The following SMIM13 variants were observed in gnomAD, a reference collection of about 807,000 sequenced individuals.
The protein encoded by SMIM13 is UPF0766 protein C6orf228.
Under a neutral mutation model 5.9 loss-of-function variants are expected in SMIM13, and 3 were observed. That is an observed-to-expected ratio of 0.51 (90% CI 0.23 to 1.31). The LOEUF (loss-of-function observed/expected upper bound fraction) is 1.31, where lower values mean the gene tolerates loss of function less well. Among genes scored for constraint, SMIM13 ranks in the 40% most tolerant of loss-of-function variants. The pLI is 0.18. For synonymous variants in SMIM13, 55 were observed against 46.0 expected (o/e 1.19, Z -0.79); for missense variants, 85 against 109.9 (o/e 0.77, Z 1.01).
In SMIM13 at chr6:11,135,860, A is replaced by T. The variant is rs1335667610; in HGVS notation, c.*1258A>T. 1.3e-5 allele frequency: 2 copies of T among 152,196 alleles called. No homozygotes were observed. The highest frequency in any genetic ancestry group is 2.9e-5 in the Non-Finnish European group (2 of 68,042). 9.4% of individuals were successfully genotyped at this position (152,196 alleles called of 1,614,324 possible). A position where few individuals can be genotyped will look rare whatever the true frequency, so the allele number is the denominator to read the frequency against. ...TAATGGGCAGTGTTTTTTCTTAGTGATACATATGGTGCATCTTAACAATTG... is the reference window on the plus strand; with the variant it reads ...TAATGGGCAGTGTTTTTTCTTAGTGTTACATATGGTGCATCTTAACAATTG... On this transcript the variant is annotated 3_prime_UTR_variant, in exon 2 of 2. Transcript: ENST00000416247.
chr6:11,102,255 ATGAATTAAT>A (rs1758004542), intron 1 of SMIM13, among the ~76,000 whole-genome samples: 1 of 152,224 alleles, frequency 6.6e-6, no homozygotes, highest in Non-Finnish European at 1.5e-5. Context: ...GTGGATATAT[ATGAATTAAT>A]TGACTTTTGA....
chr6:11,121,764 T>C (rs1434355147), intron 1 of SMIM13, among the ~76,000 whole-genome samples: 2 of 152,230 alleles, frequency 1.3e-5, no homozygotes, highest in Non-Finnish European at 2.9e-5. Context: ...CCAGACATAA[T>C]ACAATTCTAC....
At chr6:11,115,565 CTGAT>C (rs1254353532) in intron 1 of SMIM13, among the ~76,000 whole-genome samples, 4 of 152,266 alleles carry the variant, frequency 2.6e-5, no homozygotes, top group Admixed American at 1.3e-4. Context: ...TAAAAATCAA[CTGAT>C]TGAGACCTTA....
chr6:11,101,997 C>G (rs370117058), intron 1 of SMIM13, among the ~76,000 whole-genome samples: 2 of 152,176 alleles, frequency 1.3e-5, no homozygotes, highest in East Asian at 3.8e-4. Flanking sequence ...CTCAGCCTCC[C>G]AAAGTGCTGG....
chr6:11,115,992 GCCTT>G (rs1254423479), intron 1 of SMIM13, among the ~76,000 whole-genome samples: 2 of 145,890 alleles, frequency 1.4e-5, no homozygotes, highest in East Asian at 2.0e-4. Context: ...CTGCCGGCCG[GCCTT>G]CCTTCCTTCC....
Position 11,134,408 on chromosome 6 carries a change from T to C in SMIM13, c.82T>C (p.Tyr28His). 6.4e-7 allele frequency: 1 copy of C among 1,550,594 alleles called. No individual in the cohort carries two copies. The highest frequency in any genetic ancestry group is 2.4e-5 in the East Asian group (1 of 40,918). The change falls in exon 2 of 2, where the codon TAT (tyrosine) becomes CAT (histidine). Residue 28 changes from tyrosine (Y) to histidine (H), a missense_variant. Transcript: ENST00000416247. ...GTTTTTGTCTTTCTCTGTAGGTTGG[T>C]ATTTTGTATGGCATCTTTTTTTATC... ...IVLLLMVCGWYFVWHLFLSKF... is the reference protein window; with the variant it reads ...IVLLLMVCGWHFVWHLFLSKF...
At chr6:11,130,269 A>AT (rs769186781) in intron 1 of SMIM13, among the ~76,000 whole-genome samples, 2 of 122,774 alleles carry the variant, frequency 1.6e-5, no homozygotes, top group Non-Finnish European at 3.5e-5. Flanking sequence ...AAAAAAAAAA[A>AT]CAACAACAAC....
chr6:11,114,161 G>A (rs557823994), intron 1 of SMIM13, among the ~76,000 whole-genome samples: 1 of 151,572 alleles, frequency 6.6e-6, no homozygotes, highest in African/African-American at 2.4e-5. Context: ...TGTATTTTTA[G>A]TAGAGATGGG....
In SMIM13 at chr6:11,135,777, A is replaced by G. The variant is rs1341709897; in HGVS notation, c.*1175A>G. The G allele has an allele frequency of 6.6e-6, 1 of 152,298 alleles. No individual in the cohort carries two copies. Among genetic ancestry groups the G allele is most frequent in the Non-Finnish European group, 1.5e-5 (1 of 68,036 alleles). The allele number at this position is 152,298 out of a possible 1,614,324, so 9.4% of individuals were successfully genotyped here. A position where few individuals can be genotyped will look rare whatever the true frequency, so the allele number is the denominator to read the frequency against. ...TGTGATAAAAATCTGTTTAACTCAA[A>G]GCGCTGTTTCAATAAATATAAACAT... On this transcript the variant is annotated 3_prime_UTR_variant, in exon 2 of 2. Coordinates refer to ENST00000416247, the MANE Select transcript of SMIM13 (RefSeq NM_001135575.2).
At chr6:11,127,759 C>T (rs150702880) in intron 1 of SMIM13, among the ~76,000 whole-genome samples, 1 of 152,326 alleles carries the variant, frequency 6.6e-6, no homozygotes, top group East Asian at 1.9e-4. Context: ...GGGTCCCTCC[C>T]ACAACACGTG....
intron 1 of SMIM13, among the ~76,000 whole-genome samples, chr6:11,126,962 T>A (rs1487132056): frequency 6.6e-6 from 1 of 152,184 alleles, no homozygotes; most frequent in African/African-American, 2.4e-5. Context: ...AAACTCTTGT[T>A]CTCTTCCCTT....
intron 1 of SMIM13, among the ~76,000 whole-genome samples, chr6:11,109,177 G>C (rs1011934131): frequency 5.9e-5 from 9 of 152,226 alleles, no homozygotes; most frequent in African/African-American, 2.2e-4. Context: ...GGCAGAGTTT[G>C]CCCTAGTATG....
intron 1 of SMIM13, among the ~76,000 whole-genome samples, chr6:11,133,850 G>A (rs533103149): frequency 1.9e-4 from 29 of 151,080 alleles, no homozygotes; most frequent in African/African-American, 7.0e-4. Context: ...AGATATTGGT[G>A]CCGTGGCTTT....
intron 1 of SMIM13, chr6:11,104,018 A>G (rs55893495): frequency 0.03 from 47,137 of 1,551,710 alleles, 888 homozygotes; most frequent in South Asian, 0.054. Context: ...CTAAGGCCAA[A>G]CAAATTCCTC....
intron 1 of SMIM13, among the ~76,000 whole-genome samples, chr6:11,113,522 T>C (rs1006034086): frequency 6.6e-6 from 1 of 152,200 alleles, no homozygotes; most frequent in Admixed American, 6.5e-5. Flanking sequence ...TTTTTTTTGT[T>C]TGTTTTTATC....
At chr6:11,107,475 A>G (rs1436101968) in intron 1 of SMIM13, among the ~76,000 whole-genome samples, 2 of 152,236 alleles carry the variant, frequency 1.3e-5, no homozygotes, top group Non-Finnish European at 2.9e-5. Flanking sequence ...GCAAATCTCT[A>G]GCCAGGGCTT....
intron 1 of SMIM13, among the ~76,000 whole-genome samples, chr6:11,122,804 G>A (rs1380655147): frequency 6.6e-6 from 1 of 152,100 alleles, no homozygotes; most frequent in African/African-American, 2.4e-5. Context: ...GGTGGCTCCT[G>A]TGATAGAGGC....
intron 1 of SMIM13, among the ~76,000 whole-genome samples, chr6:11,128,258 C>G (rs761004552): frequency 4.6e-5 from 7 of 152,076 alleles, no homozygotes; most frequent in Non-Finnish European, 1.0e-4. Context: ...AGGACTGGGT[C>G]TTTCCATTCA....
At chr6:11,132,379 A>G (rs557124700) in intron 1 of SMIM13, among the ~76,000 whole-genome samples, 3 of 152,210 alleles carry the variant, frequency 2.0e-5, no homozygotes, top group Non-Finnish European at 2.9e-5. Context: ...CAGAGTTACC[A>G]TATGACCCAG....
Sources: gnomAD v4.1 joint callset for allele counts (sites outside exome capture counted in the v4.1 genomes callset) on GRCh38, gnomAD v4.1.1 for gene constraint, MANE v1.5 for transcripts, NCBI Gene and HGNC (gene_info 2026-07-23, HGNC 2026-07-21) for gene names.